Variants in RGS7 observed in about 807,000 individuals in gnomAD.
RGS7 encodes regulator of G protein signaling 7.
Under a neutral mutation model 81.1 loss-of-function variants are expected in RGS7, and 27 were observed. The observed-to-expected ratio is 0.33, with a 90% CI of 0.25 to 0.46. The LOEUF (loss-of-function observed/expected upper bound fraction) is 0.46. Ranked by LOEUF, RGS7 falls within the 20% of genes least tolerant of loss-of-function variation. The pLI is 1.00. For synonymous variants in RGS7, 208 were observed against 207.7 expected (o/e 1.00, Z -0.01); for missense variants, 396 against 607.4 (o/e 0.65, Z 3.66).
intron 2 of RGS7, among the ~76,000 whole-genome samples, chr1:241,261,818 A>G (rs370463016): frequency 9.9e-5 from 15 of 152,210 alleles, no homozygotes; most frequent in Middle Eastern, 3.4e-3. Context: ...GAAGAAAACC[A>G]TGATGATTAG....
At chr1:241,304,388 G>C (rs2079957152) in intron 2 of RGS7, among the ~76,000 whole-genome samples, 2 of 152,216 alleles carry the variant, frequency 1.3e-5, no homozygotes, top group Non-Finnish European at 2.9e-5. Context: ...GAAGTAGAGA[G>C]AAGCAAGTAG....
rs576518133 is a variant in RGS7, at chr1:241,311,147, T to TA, written c.78+44551dup. The stretch of plus-strand genomic sequence containing the variant: ...TTGAAAAGCATAAGACAATTAAAAG[T>TA]ATTGCTACTGTTAGATATTTTGTTA... On this transcript the variant is annotated intron_variant, in intron 2 of 18. Transcript: ENST00000440928. Among the ~76,000 whole-genome samples, 766 of 152,334 alleles carry TA rather than the reference T, an allele frequency of 5.0e-3. 2 individuals are homozygous for TA. The highest frequency in any genetic ancestry group is 0.014 in the Middle Eastern group (4 of 294).
At chr1:240,896,556 C>T (rs1027197443) in intron 6 of RGS7, among the ~76,000 whole-genome samples, 3 of 152,140 alleles carry the variant, frequency 2.0e-5, no homozygotes, top group Non-Finnish European at 4.4e-5. Flanking sequence ...TTCCCCATTT[C>T]TTGTTTTTGT....
chr1:240,927,354 C>T (rs949747725), intron 6 of RGS7, among the ~76,000 whole-genome samples: 2 of 152,286 alleles, frequency 1.3e-5, no homozygotes, highest in African/African-American at 2.4e-5. Flanking sequence ...CGTGAGCCAC[C>T]GCGCACAGCC....
chr1:241,203,525 C>T (rs938454611), intron 2 of RGS7, among the ~76,000 whole-genome samples: 6 of 152,114 alleles, frequency 3.9e-5, no homozygotes, highest in African/African-American at 7.2e-5. Context: ...CCACCGTGCC[C>T]GGCCTGAGTT....
At chr1:240,957,011 C>T (rs1476972428) in intron 4 of RGS7, among the ~76,000 whole-genome samples, 1 of 152,152 alleles carries the variant, frequency 6.6e-6, no homozygotes, top group African/African-American at 2.4e-5. Flanking sequence ...TAATAAGTGT[C>T]AACTTGATTG....
At chr1:241,030,361 C>CATATATATATATAT (rs370562497) in intron 3 of RGS7, among the ~76,000 whole-genome samples, 8,720 of 101,890 alleles carry the variant, frequency 0.086, 828 homozygotes, top group Middle Eastern at 0.16. Flanking sequence ...GAACTTATAG[C>CATATATATATATAT]ATATATATAT....
intron 9 of RGS7, among the ~76,000 whole-genome samples, chr1:240,842,629 TG>T (rs34222119): frequency 0.67 from 101,297 of 151,682 alleles, 34,228 homozygotes; most frequent in Middle Eastern, 0.76. Context: ...GTAAGCATTT[TG>T]GGGGGGGAAT....
chr1:241,031,289 G>T (rs979274161), intron 3 of RGS7, among the ~76,000 whole-genome samples: 1 of 152,088 alleles, frequency 6.6e-6, no homozygotes, highest in Non-Finnish European at 1.5e-5. Flanking sequence ...TGCTGTAAAA[G>T]ACATTATTTT....
intron 9 of RGS7, among the ~76,000 whole-genome samples, chr1:240,863,039 G>A (rs1379362955): frequency 3.9e-5 from 6 of 151,944 alleles, no homozygotes; most frequent in East Asian, 3.9e-4. Context: ...CTGCAACCTC[G>A]AACTCCTGGC....
intron 3 of RGS7, among the ~76,000 whole-genome samples, chr1:241,070,218 C>T (rs911646379): frequency 9.9e-5 from 15 of 151,170 alleles, no homozygotes; most frequent in South Asian, 2.1e-4. Context: ...TGGTTATTTT[C>T]GTGAAAGATA....
intron 2 of RGS7, among the ~76,000 whole-genome samples, chr1:241,109,222 C>T (rs1332599868): frequency 1.3e-5 from 2 of 152,132 alleles, no homozygotes; most frequent in African/African-American, 4.8e-5. Context: ...GCCTGCCTCA[C>T]CTTCTCACAT....
At chr1:241,230,578 G>A (rs1474671163) in intron 2 of RGS7, among the ~76,000 whole-genome samples, 2 of 152,202 alleles carry the variant, frequency 1.3e-5, no homozygotes, top group Admixed American at 1.3e-4. Context: ...ATCAACAATG[G>A]AGCCCACTTT....
chr1:241,096,396 C>T (rs1470266304), intron 3 of RGS7, among the ~76,000 whole-genome samples: 28 of 151,958 alleles, frequency 1.8e-4, no homozygotes, highest in Admixed American at 1.8e-3. Context: ...TATAAAGAAG[C>T]TGATAAGTGC....
intron 2 of RGS7, among the ~76,000 whole-genome samples, chr1:241,246,130 C>T (rs2076528021): frequency 6.6e-6 from 1 of 151,706 alleles, no homozygotes; most frequent in African/African-American, 2.4e-5. Context: ...AAAACCGAAA[C>T]GTGTGTGTGT....
At chr1:240,959,429 C>T (rs762282590) in intron 4 of RGS7, among the ~76,000 whole-genome samples, 21 of 152,082 alleles carry the variant, frequency 1.4e-4, no homozygotes, top group Admixed American at 2.6e-4. Context: ...GTGACTGTAC[C>T]GAATACTGTA....
intron 11 of RGS7, among the ~76,000 whole-genome samples, 200 bp from the exon 12 acceptor site, chr1:240,814,977 T>C (rs571494105): frequency 3.1e-4 from 43 of 139,162 alleles, no homozygotes; most frequent in Non-Finnish European, 5.6e-4. Context: ...ACAATTGATA[T>C]CACTTTAGAA....
intron 4 of RGS7, 116 bp from the exon 5 acceptor site, chr1:240,936,822 G>T (rs261857): frequency 0.41 from 319,246 of 769,482 alleles, 68,661 homozygotes; most frequent in Middle Eastern, 0.5. Flanking sequence ...CCTCTTGAAA[G>T]ATTTAATTTC....
intron 18 of RGS7, among the ~76,000 whole-genome samples, chr1:240,788,611 T>C (rs1685454279): frequency 6.6e-6 from 1 of 152,238 alleles, no homozygotes; most frequent in African/African-American, 2.4e-5. Flanking sequence ...CTCCAGGTGA[T>C]TCTGATGCGT....
Sources: gnomAD v4.1 joint callset for allele counts (sites outside exome capture counted in the v4.1 genomes callset) on GRCh38, gnomAD v4.1.1 for gene constraint, MANE v1.5 for transcripts, NCBI Gene and HGNC (gene_info 2026-07-23, HGNC 2026-07-21) for gene names.